The following EDIL3 variants were observed in gnomAD, a reference collection of about 807,000 sequenced individuals.
The protein encoded by EDIL3 is EGF-like repeat and discoidin I-like domain-containing protein 3.
Under a neutral mutation model 67.4 loss-of-function variants are expected in EDIL3, and 37 were observed. The ratio of observed to expected loss-of-function variants is 0.55; its 90% CI spans 0.42 to 0.72. EDIL3 has a LOEUF of 0.72. Ranked by LOEUF, EDIL3 falls within the 30% of genes least tolerant of loss-of-function variation. The probability of loss-of-function intolerance (pLI) is 0.00; values close to 1 mark genes in which losing one functional copy is unlikely to be tolerated. For missense variants in EDIL3, 527 were observed against 586.3 expected (o/e 0.90, Z 1.04); for synonymous variants, 195 against 196.3 (o/e 0.99, Z 0.05).
At chr5:84,082,215 T>C (rs912468465) in intron 6 of EDIL3, among the ~76,000 whole-genome samples, 2 of 152,236 alleles carry the variant, frequency 1.3e-5, no homozygotes, top group African/African-American at 4.8e-5. Context: ...TTTCCATGTG[T>C]GGAAATATTA....
At chr5:84,256,152 T>TATC (rs779244175) in intron 1 of EDIL3, among the ~76,000 whole-genome samples, 58 of 146,378 alleles carry the variant, frequency 4.0e-4, no homozygotes, top group African/African-American at 1.4e-3. Flanking sequence ...ATCTATCATC[T>TATC]ATCTATCTAT....
intron 9 of EDIL3, among the ~76,000 whole-genome samples, chr5:84,038,376 T>C (rs938395486): frequency 1.6e-4 from 25 of 152,160 alleles, no homozygotes; most frequent in African/African-American, 5.8e-4. Flanking sequence ...ATGGTGTGCT[T>C]GCTCTACAAA....
chr5:84,308,078 A>C (rs1746309305), intron 1 of EDIL3, among the ~76,000 whole-genome samples: 1 of 152,170 alleles, frequency 6.6e-6, no homozygotes, highest in Non-Finnish European at 1.5e-5. Context: ...AGCAAGTTGA[A>C]GGCAGGGAGA....
intron 6 of EDIL3, among the ~76,000 whole-genome samples, chr5:84,069,256 C>G (rs1746693400): frequency 6.6e-6 from 1 of 151,942 alleles, no homozygotes; most frequent in Non-Finnish European, 1.5e-5. Context: ...GTATTTTGAA[C>G]AAATGGTAGC....
chr5:83,976,479 T>G (rs1262779501), intron 9 of EDIL3, among the ~76,000 whole-genome samples: 2 of 151,876 alleles, frequency 1.3e-5, no homozygotes, highest in Admixed American at 1.3e-4. Flanking sequence ...TGCCATAGAC[T>G]TTTTAGCAGA....
chr5:83,944,936 C>A (rs1744286739), intron 10 of EDIL3, among the ~76,000 whole-genome samples: 1 of 151,926 alleles, frequency 6.6e-6, no homozygotes, highest in South Asian at 2.1e-4. Flanking sequence ...TAACCCACAT[C>A]TTTCAGCATT....
At chr5:84,330,170 C>T (rs1746841413) in intron 1 of EDIL3, among the ~76,000 whole-genome samples, 1 of 152,090 alleles carries the variant, frequency 6.6e-6, no homozygotes, top group African/African-American at 2.4e-5. Context: ...AAGACAGAGA[C>T]TAACATTGTT....
Position 84,337,870 on chromosome 5 carries a change from G to A in EDIL3, c.67+46438C>T, listed in dbSNP as rs373746003. On this transcript the variant is annotated intron_variant, in intron 1 of 10. Transcript: ENST00000296591. ...ATGCAACACTATGCAAAAGCTATGA[G>A]GTTGTCCTTTATTGTACCATAATAA... Among the ~76,000 whole-genome samples, 16 of 152,184 alleles carry A rather than the reference G, an allele frequency of 1.1e-4. No homozygotes were observed. The South Asian group carries it at 2.3e-3, about 22-fold the overall frequency.
At chr5:84,073,917 T>A (rs1270261621) in intron 6 of EDIL3, among the ~76,000 whole-genome samples, 4 of 151,790 alleles carry the variant, frequency 2.6e-5, no homozygotes, top group Non-Finnish European at 5.9e-5. Flanking sequence ...AGAACAAAGC[T>A]GGAGGCATCA....
intron 5 of EDIL3, among the ~76,000 whole-genome samples, chr5:84,130,528 A>C (rs374346566): frequency 3.6e-4 from 55 of 152,096 alleles, no homozygotes; most frequent in African/African-American, 1.3e-3. Context: ...TCTAATTTTC[A>C]CTTCCTTATA....
intron 1 of EDIL3, among the ~76,000 whole-genome samples, chr5:84,262,673 T>TA (rs1745255315): frequency 8.7e-6 from 1 of 115,342 alleles, no homozygotes; most frequent in Admixed American, 9.6e-5. Context: ...TTTTTTTTTT[T>TA]TTTTTTTTTT....
At chr5:84,004,259 G>C (rs1745377648) in intron 9 of EDIL3, among the ~76,000 whole-genome samples, 2 of 152,044 alleles carry the variant, frequency 1.3e-5, no homozygotes, top group African/African-American at 4.8e-5. Context: ...GATGATATTA[G>C]ATTATTGACA....
intron 9 of EDIL3, among the ~76,000 whole-genome samples, chr5:84,010,865 T>A (rs1745505701): frequency 6.6e-6 from 1 of 152,180 alleles, no homozygotes; most frequent in Non-Finnish European, 1.5e-5. Context: ...CTAGGACAGC[T>A]GAAGAGTGCT....
intron 3 of EDIL3, among the ~76,000 whole-genome samples, chr5:84,204,331 T>A (rs1186250271): frequency 1.3e-5 from 2 of 152,154 alleles, no homozygotes; most frequent in Admixed American, 1.3e-4. Flanking sequence ...AATTAAAATA[T>A]TTTGAACATT....
intron 10 of EDIL3, among the ~76,000 whole-genome samples, chr5:83,953,484 G>T (rs1232631432): frequency 2.6e-5 from 4 of 151,678 alleles, no homozygotes; most frequent in Non-Finnish European, 5.9e-5. Flanking sequence ...AAGAAGAAAA[G>T]AAATAAAAGT....
chr5:84,133,528 A>C (rs1316525378), intron 5 of EDIL3, among the ~76,000 whole-genome samples: 2 of 150,314 alleles, frequency 1.3e-5, no homozygotes, highest in Admixed American at 1.3e-4. Flanking sequence ...GCCAGCTGCT[A>C]GGGAGGCTGA....
At chr5:84,217,721 A>AC (rs1744257318) in intron 3 of EDIL3, among the ~76,000 whole-genome samples, 132 of 135,008 alleles carry the variant, frequency 9.8e-4, no homozygotes, top group South Asian at 5.5e-3. Flanking sequence ...TATACACACA[A>AC]ACACACACAC....
At chr5:84,152,059 A>G (rs1363170790) in intron 4 of EDIL3, among the ~76,000 whole-genome samples, 1 of 152,010 alleles carries the variant, frequency 6.6e-6, no homozygotes, top group South Asian at 2.1e-4. Context: ...AGCTGGGATT[A>G]CAAGCATGAG....
intron 9 of EDIL3, among the ~76,000 whole-genome samples, chr5:84,034,250 T>C (rs1462250874): frequency 6.6e-6 from 1 of 152,158 alleles, no homozygotes; most frequent in Non-Finnish European, 1.5e-5. Flanking sequence ...ACAACAAAAT[T>C]AGATGCAATC....
Sources: gnomAD v4.1 joint callset for allele counts (sites outside exome capture counted in the v4.1 genomes callset) on GRCh38, gnomAD v4.1.1 for gene constraint, MANE v1.5 for transcripts, NCBI Gene and HGNC (gene_info 2026-07-23, HGNC 2026-07-21) for gene names.